Variants in PRKN observed in about 807,000 individuals in gnomAD.
The protein encoded by PRKN is parkin RBR E3 ubiquitin protein ligase, also known as E3 ubiquitin-protein ligase parkin.
PRKN carries 56 observed loss-of-function variants against 59.5 expected under a neutral mutation model. That is an observed-to-expected ratio of 0.94 (90% CI 0.76 to 1.18). The LOEUF is 1.18. Ranked by LOEUF, PRKN falls within the 50% of genes most tolerant of loss-of-function variation. The pLI is 0.00. For synonymous variants in PRKN, 250 were observed against 222.1 expected, an observed-to-expected ratio of 1.13 and a Z score of -1.12; for missense variants, 657 against 596.4, an observed-to-expected ratio of 1.10 and a Z score of -1.06.
chr6:161,668,912 T>C (rs892210721), intron 7 of PRKN, among the ~76,000 whole-genome samples: 1 of 152,176 alleles, frequency 6.6e-6, no homozygotes, highest in African/African-American at 2.4e-5. Context: ...CCACTGTGAC[T>C]AAGGCACTCC....
Position 161,530,271 on chromosome 6 carries a change from T to G in PRKN, c.1083+18583A>C, listed in dbSNP as rs927885937. Among the ~76,000 whole-genome samples, 1 of 152,210 alleles carries G rather than the reference T, an allele frequency of 6.6e-6. No homozygotes were observed. Among genetic ancestry groups the G allele is most frequent in the African/African-American group, 2.4e-5 (1 of 41,464 alleles). ...TGTAAATTTAGACATTTTTTGAAGA[T>G]TCACGTGTTTGGTTCAATATAAAAG... On this transcript the variant is annotated intron_variant, in intron 9 of 11. Transcript: ENST00000366898. The surrounding 1 kb of genome is among the most constrained non-coding windows in gnomAD (Gnocchi z 5.0).
chr6:162,483,329 G>A (rs1792389057), intron 1 of PRKN, among the ~76,000 whole-genome samples: 1 of 152,166 alleles, frequency 6.6e-6, no homozygotes, highest in Non-Finnish European at 1.5e-5. Flanking sequence ...TGTGTCTTAT[G>A]TGTGGTGGAG....
chr6:162,036,316 C>T (rs566330182), intron 5 of PRKN, among the ~76,000 whole-genome samples: 11 of 151,542 alleles, frequency 7.3e-5, no homozygotes, highest in East Asian at 2.0e-4. Context: ...AGAGCGAGAC[C>T]CCGTCTCAAA....
At chr6:162,268,979 G>A (rs965869588) in intron 2 of PRKN, among the ~76,000 whole-genome samples, 3 of 149,908 alleles carry the variant, frequency 2.0e-5, no homozygotes, top group African/African-American at 7.6e-5. Context: ...TTAGTCCAGT[G>A]TGATTTTAAA....
intron 5 of PRKN, among the ~76,000 whole-genome samples, chr6:162,016,978 A>G (rs938462052): frequency 2.6e-5 from 4 of 152,058 alleles, no homozygotes; most frequent in African/African-American, 9.7e-5. Context: ...CACTCAGTCA[A>G]CTGTGTGTGT....
intron 1 of PRKN, among the ~76,000 whole-genome samples, chr6:162,611,920 T>G (rs985913431): frequency 6.6e-6 from 1 of 151,768 alleles, no homozygotes; most frequent in Non-Finnish European, 1.5e-5. Context: ...GCGTGGTGGC[T>G]CACGCCTGTA....
rs968556332 is a variant in PRKN, at chr6:161,405,916, T to G, written c.1084-19039A>C. ...TTTGGAAAATGATGCTTTTCTTTGC[T>G]GAAGAGGAATGTCAAGTTAATTTCA... On this transcript the variant is annotated intron_variant, in intron 9 of 11. Transcript: ENST00000366898. This position sits in a 1 kb window ranked among gnomAD's most constrained non-coding sequence, Gnocchi z 5.1. Among the ~76,000 whole-genome samples the G allele has an allele frequency of 5.3e-5, 8 of 152,184 alleles. No homozygotes were observed. Among genetic ancestry groups the G allele is most frequent in the African/African-American group, 1.9e-4 (8 of 41,512 alleles).
At chr6:161,937,099 A>G (rs1182449803) in intron 6 of PRKN, among the ~76,000 whole-genome samples, 2 of 152,106 alleles carry the variant, frequency 1.3e-5, no homozygotes, top group Non-Finnish European at 2.9e-5. Flanking sequence ...CTAAATTTAA[A>G]AAGTGTGTAA....
intron 1 of PRKN, among the ~76,000 whole-genome samples, chr6:162,572,328 C>A (rs1780368171): frequency 1.3e-5 from 2 of 152,178 alleles, no homozygotes; most frequent in Non-Finnish European, 2.9e-5. Flanking sequence ...AAACACTCAG[C>A]ACTCGTGAAA....
chr6:162,132,371 C>T (rs995772754), intron 4 of PRKN, among the ~76,000 whole-genome samples: 6 of 152,074 alleles, frequency 3.9e-5, no homozygotes, highest in South Asian at 2.1e-4. Flanking sequence ...ACCTCGACCA[C>T]GGACAGGCCA....
intron 6 of PRKN, among the ~76,000 whole-genome samples, chr6:161,847,306 A>G (rs1793241025): frequency 6.9e-6 from 1 of 145,932 alleles, no homozygotes; most frequent in Non-Finnish European, 1.5e-5. Flanking sequence ...GACTCTGTCT[A>G]AAAAAAAAAA....
intron 7 of PRKN, among the ~76,000 whole-genome samples, chr6:161,654,052 C>T (rs758519633): frequency 2.6e-5 from 4 of 151,756 alleles, no homozygotes; most frequent in South Asian, 2.1e-4. Context: ...AGGCTGGTCT[C>T]GACTCTTGGC....
chr6:162,082,939 C>A (rs1779115622), intron 4 of PRKN, among the ~76,000 whole-genome samples: 1 of 152,024 alleles, frequency 6.6e-6, no homozygotes, highest in Non-Finnish European at 1.5e-5. Context: ...CTGATCATAC[C>A]CTAAAATTAT....
At position 161,386,668 on chromosome 6, in the gene PRKN, G is replaced by C. The variant is rs1786263411; in HGVS notation, c.1167+126C>G. 1.3e-6 allele frequency: 1 copy of C among 797,976 alleles called. No homozygotes were observed. The allele number at this position is 797,976 out of a possible 1,614,324, so 49.4% of individuals were successfully genotyped here. The stretch of plus-strand genomic sequence containing the variant: ...GGAGAAGCCACGGCCCCATTCCCAT[G>C]GCTGTCAGCTACCAGTCTGCTTCTT... On this transcript the variant is annotated intron_variant, in intron 10 of 11. Coordinates refer to ENST00000366898, the MANE Select transcript of PRKN (RefSeq NM_004562.3). The surrounding 1 kb of genome is among the most constrained non-coding windows in gnomAD (Gnocchi z 4.3).
At chr6:162,528,298 G>A (rs1392702896) in intron 1 of PRKN, among the ~76,000 whole-genome samples, 3 of 150,742 alleles carry the variant, frequency 2.0e-5, no homozygotes, top group Non-Finnish European at 3.0e-5. Context: ...CTCCAGCCTG[G>A]GTGAAGTGAA....
rs150578731 is a variant in PRKN, at chr6:162,224,088, AT to A, written c.413-22837del. Among the ~76,000 whole-genome samples the A allele has an allele frequency of 6.6e-4, 100 of 150,786 alleles. No individual in the cohort carries two copies. The Middle Eastern group carries it at 0.01, about 15-fold the overall frequency. On this transcript the variant is annotated intron_variant, in intron 3 of 11. Coordinates refer to ENST00000366898, the MANE Select transcript of PRKN (RefSeq NM_004562.3). Reference sequence around the variant, plus strand: ...AGATACTCCTCCATACCCCAAAAAGATTTTTTTTTCCTTTTCTTATCTCTTA... The same window carrying A: ...AGATACTCCTCCATACCCCAAAAAGATTTTTTTTCCTTTTCTTATCTCTTA...
At chr6:162,027,260 G>A (rs1783469878) in intron 5 of PRKN, among the ~76,000 whole-genome samples, 2 of 152,008 alleles carry the variant, frequency 1.3e-5, no homozygotes, top group Admixed American at 6.6e-5. Flanking sequence ...TGATTCCTAT[G>A]TTTTTGGATA....
chr6:162,140,219 T>C (rs1313623555), intron 4 of PRKN, among the ~76,000 whole-genome samples: 8 of 152,232 alleles, frequency 5.3e-5, no homozygotes, highest in African/African-American at 1.9e-4. Flanking sequence ...GTTTCCTGTT[T>C]AAAATTATAA....
chr6:161,884,342 A>G (rs1392822239), intron 6 of PRKN, among the ~76,000 whole-genome samples: 1 of 152,220 alleles, frequency 6.6e-6, no homozygotes, highest in Admixed American at 6.5e-5. Flanking sequence ...ATGAAGTTTC[A>G]AGGCCTATGA....
Sources: gnomAD v4.1 joint callset for allele counts (sites outside exome capture counted in the v4.1 genomes callset) on GRCh38, gnomAD v4.1.1 for gene constraint, Gnocchi (gnomAD v3.1) non-coding constraint, MANE v1.5 for transcripts, NCBI Gene and HGNC (gene_info 2026-07-23, HGNC 2026-07-21) for gene names.